The following UCMA variants were observed in gnomAD, a reference collection of about 807,000 sequenced individuals.
UCMA encodes the protein upper zone of growth plate and cartilage matrix associated, also known as upper zone of growth plate and cartilage matrix-associated protein.
In UCMA, 21 loss-of-function variants were observed where a neutral mutation model predicts 21.8. The ratio of observed to expected loss-of-function variants is 0.97; its 90% CI spans 0.68 to 1.39. The LOEUF is 1.39. UCMA is among the 40% of genes most tolerant of loss of function. UCMA has a pLI of 0.00. For missense variants in UCMA, 193 were observed against 178.9 expected, an observed-to-expected ratio of 1.08 and a Z score of -0.45; for synonymous variants, 76 against 67.9, an observed-to-expected ratio of 1.12 and a Z score of -0.58.
intron 3 of UCMA, among the ~76,000 whole-genome samples, chr10:13,230,621 A>G (rs1834885683): frequency 6.6e-6 from 1 of 152,172 alleles, no homozygotes; most frequent in South Asian, 2.1e-4. Context: ...TTTTTGCCCC[A>G]TCAACTCTGA....
chr10:13,229,986 T>C (rs190112667), intron 3 of UCMA, among the ~76,000 whole-genome samples: 1 of 152,192 alleles, frequency 6.6e-6, no homozygotes, highest in Non-Finnish European at 1.5e-5. Context: ...TGGTGGCATA[T>C]CCAAGTATAC....
At chr10:13,228,120 T>C (rs1408445429) in intron 4 of UCMA, among the ~76,000 whole-genome samples, 1 of 151,722 alleles carries the variant, frequency 6.6e-6, no homozygotes, top group African/African-American at 2.4e-5. Flanking sequence ...AGTGCGGTGG[T>C]GCAATCTTGG....
chr10:13,234,193 G>A lies in UCMA; in HGVS notation c.58+8C>T, dbSNP rs1834939354. The A allele has an allele frequency of 6.2e-7, 1 of 1,612,476 alleles. No homozygotes were observed. Among genetic ancestry groups the A allele is most frequent in the Non-Finnish European group, 8.5e-7 (1 of 1,179,626 alleles). On this transcript the variant is annotated splice_region_variant and intron_variant, in intron 1 of 4. Transcript: ENST00000378681. Reference sequence around the variant, plus strand: ...TAACACCCTCCACCTTGACCCTCCTGTACTCACTAGACAGGAGCACCACGG... The same window carrying A: ...TAACACCCTCCACCTTGACCCTCCTATACTCACTAGACAGGAGCACCACGG...
chr10:13,225,696 G>T (rs942343437), intron 4 of UCMA, among the ~76,000 whole-genome samples: 1 of 140,024 alleles, frequency 7.1e-6, no homozygotes, highest in African/African-American at 2.6e-5. Context: ...AAAAAGAATA[G>T]GTGACTTGGT....
At chr10:13,227,886 G>A (rs1834845081) in intron 4 of UCMA, among the ~76,000 whole-genome samples, 2 of 151,902 alleles carry the variant, frequency 1.3e-5, no homozygotes, top group South Asian at 4.2e-4. Flanking sequence ...CTCCGTGGAA[G>A]GCAGTGGCTC....
At chr10:13,225,417 G>A (rs1341707272) in intron 4 of UCMA, among the ~76,000 whole-genome samples, 1 of 152,082 alleles carries the variant, frequency 6.6e-6, no homozygotes, top group African/African-American at 2.4e-5. Flanking sequence ...GCTCACGCCT[G>A]TAATCCCAGC....
intron 4 of UCMA, among the ~76,000 whole-genome samples, 191 bp downstream of exon 4, chr10:13,229,420 C>T (rs555072539): frequency 2.0e-5 from 3 of 151,830 alleles, no homozygotes; most frequent in East Asian, 2.0e-4. Flanking sequence ...GCAGGAGAAT[C>T]GCTTGAACTT....
At chr10:13,223,604 G>C (rs1834786695) in intron 4 of UCMA, among the ~76,000 whole-genome samples, 1 of 152,058 alleles carries the variant, frequency 6.6e-6, no homozygotes, top group Non-Finnish European at 1.5e-5. Flanking sequence ...CCCAGGCTGG[G>C]GTGCAGTGGC....
At chr10:13,233,872 T>A in intron 1 of UCMA, 72 bp from the exon 2 acceptor site, 1 of 1,581,076 alleles carries the variant, frequency 6.3e-7, no homozygotes, top group Non-Finnish European at 8.6e-7. Flanking sequence ...AGTCCCCATC[T>A]CTCTTTCCAG....
intron 3 of UCMA, among the ~76,000 whole-genome samples, chr10:13,230,666 C>G (rs189836847): frequency 6.6e-6 from 1 of 152,292 alleles, no homozygotes; most frequent in South Asian, 2.1e-4. Context: ...CTGAAGGAAG[C>G]AGAGAAGCTG....
In UCMA at chr10:13,221,921, T is replaced by C; in HGVS notation, c.*182A>G. On this transcript the variant is annotated 3_prime_UTR_variant, in exon 5 of 5. Coordinates refer to ENST00000378681, the MANE Select transcript of UCMA (RefSeq NM_145314.3). ...CCTCAGAAGATGGTCTGCAAAGAGG[T>C]GAAAGTCAGGACACTTTCACACACT... The C allele has an allele frequency of 1.6e-6, 1 of 623,372 alleles. No individual in the cohort carries two copies. Among genetic ancestry groups the C allele is most frequent in the South Asian group, 2.0e-5 (1 of 50,198 alleles). The allele number at this position is 623,372 out of a possible 1,614,324, so 38.6% of individuals were successfully genotyped here.
intron 4 of UCMA, among the ~76,000 whole-genome samples, chr10:13,226,198 A>AT (rs35217195): frequency 0.11 from 15,554 of 140,536 alleles, 1,083 homozygotes; most frequent in East Asian, 0.26. Context: ...TTTGTTGTGG[A>AT]TTTTTTTTTT....
Position 13,233,519 on chromosome 10 carries a change from G to T in UCMA, c.220+19C>A, listed in dbSNP as rs771332749. The stretch of plus-strand genomic sequence containing the variant: ...GAGGTGGTGATGGACGCGGGATGGG[G>T]TCCCTCCAGCATCCTTACCATTGAC... On this transcript the variant is annotated intron_variant, in intron 3 of 4. Coordinates refer to ENST00000378681, the MANE Select transcript of UCMA (RefSeq NM_145314.3). The T allele has an allele frequency of 6.2e-7, 1 of 1,605,844 alleles. No individual in the cohort carries two copies. Among genetic ancestry groups the T allele is most frequent in the Admixed American group, 1.7e-5 (1 of 59,832 alleles).
At chr10:13,225,674 A>C (rs935257570) in intron 4 of UCMA, among the ~76,000 whole-genome samples, 7 of 8,394 alleles carry the variant, frequency 8.3e-4, no homozygotes, top group Non-Finnish European at 3.3e-3. Context: ...ATTCCATCTC[A>C]AAAAAAAAAA....
chr10:13,234,249 T>C lies in UCMA; in HGVS notation c.10A>G (p.Arg4Gly). Reference sequence around the variant, plus strand: ...AAGCAAGACAGCAGGACGGCCTGTCTCCAAGTCATCTTTGCAGAGGTAGGG... The same window carrying C: ...AAGCAAGACAGCAGGACGGCCTGTCCCCAAGTCATCTTTGCAGAGGTAGGG... MTW[R>G]QAVLLSCFSA... is the part of the protein sequence containing the mutation. Residue 4 changes from arginine to glycine, a missense_variant, in exon 1 of 5, where the codon AGA becomes GGA. By Grantham distance (125) the Arg-to-Gly change is moderately radical. Coordinates refer to ENST00000378681, the MANE Select transcript of UCMA (RefSeq NM_145314.3). 1 of 1,613,584 alleles carries C rather than the reference T, an allele frequency of 6.2e-7. No individual in the cohort carries two copies. Among genetic ancestry groups the C allele is most frequent in the Non-Finnish European group, 8.5e-7 (1 of 1,179,900 alleles).
At chr10:13,225,577 A>C (rs1245267335) in intron 4 of UCMA, among the ~76,000 whole-genome samples, 2 of 149,860 alleles carry the variant, frequency 1.3e-5, no homozygotes, top group African/African-American at 2.5e-5. Flanking sequence ...CAGGAAGCTG[A>C]GGCAGGAGAA....
intron 3 of UCMA, among the ~76,000 whole-genome samples, chr10:13,231,650 G>C (rs1379994624): frequency 6.6e-6 from 1 of 152,198 alleles, no homozygotes; most frequent in Non-Finnish European, 1.5e-5. Context: ...TCACAAATTA[G>C]AGCTTTGACG....
intron 4 of UCMA, among the ~76,000 whole-genome samples, chr10:13,227,710 G>C (rs1166930768): frequency 3.0e-5 from 2 of 65,844 alleles, no homozygotes; most frequent in Non-Finnish European, 2.8e-5. Context: ...GAATGAGACT[G>C]TCTCAAAAAA....
At chr10:13,225,166 G>A (rs1466817770) in intron 4 of UCMA, among the ~76,000 whole-genome samples, 4 of 152,006 alleles carry the variant, frequency 2.6e-5, no homozygotes, top group Non-Finnish European at 5.9e-5. Flanking sequence ...TGATTCTTCA[G>A]CCTCAGCCTC....
Sources: allele counts gnomAD v4.1 joint callset (sites outside exome capture counted in the v4.1 genomes callset), GRCh38; gene constraint gnomAD v4.1.1; transcripts MANE v1.5; gene names NCBI Gene and HGNC (gene_info 2026-07-23, HGNC 2026-07-21).